The following ADARB2 variants were observed in gnomAD, a reference collection of about 807,000 sequenced individuals.
ADARB2 encodes the protein adenosine deaminase RNA specific B2 (inactive).
In ADARB2, 25 loss-of-function variants were observed where a neutral mutation model predicts 62.2. That is an observed-to-expected ratio of 0.40 (90% CI 0.29 to 0.56). The LOEUF (loss-of-function observed/expected upper bound fraction) is 0.56. ADARB2 is among the 20% of genes least tolerant of loss of function. The pLI is 0.43. For synonymous variants in ADARB2, 572 were observed against 500.8 expected, an observed-to-expected ratio of 1.14 and a Z score of -1.90; for missense variants, 1,071 against 1,077.4, an observed-to-expected ratio of 0.99 and a Z score of 0.08.
intron 8 of ADARB2, among the ~76,000 whole-genome samples, chr10:1,193,594 T>C (rs1589147689): frequency 6.6e-6 from 1 of 152,182 alleles, no homozygotes; most frequent in Non-Finnish European, 1.5e-5. Flanking sequence ...TTTGAGATTG[T>C]TTTTCTTAAG....
chr10:1,533,734 C>T lies in ADARB2; in HGVS notation c.101-154574G>A, dbSNP rs1352369811. 6.6e-5 allele frequency among the ~76,000 whole-genome samples: 10 copies of T among 152,260 alleles called. 1 individual carries two copies. The highest frequency in any genetic ancestry group is 2.0e-4 in the Admixed American group (3 of 15,286). Reference sequence around the variant, plus strand: ...GGTTTGAAAGGAATTTAGGAAAGATCTTACGCATATTCCATTTCCTCCTCG... The same window carrying T: ...GGTTTGAAAGGAATTTAGGAAAGATTTTACGCATATTCCATTTCCTCCTCG... On this transcript the variant is annotated intron_variant, in intron 1 of 9. Coordinates refer to ENST00000381312, the MANE Select transcript of ADARB2 (RefSeq NM_018702.4).
intron 8 of ADARB2, among the ~76,000 whole-genome samples, chr10:1,190,113 G>C (rs35270591): frequency 6.6e-6 from 1 of 152,020 alleles, no homozygotes; most frequent in Non-Finnish European, 1.5e-5. Context: ...GGAGAAATGC[G>C]TCCTCCTGAG....
At chr10:1,699,171 C>T (rs1292171453) in intron 1 of ADARB2, among the ~76,000 whole-genome samples, 4 of 152,266 alleles carry the variant, frequency 2.6e-5, no homozygotes, top group Non-Finnish European at 1.5e-5. Context: ...TGCAATCCCA[C>T]TCCACCTGGA....
At chr10:1,375,864 GAC>G (rs201916545) in intron 2 of ADARB2, among the ~76,000 whole-genome samples, 3,216 of 142,008 alleles carry the variant, frequency 0.023, 107 homozygotes, top group African/African-American at 0.08. Context: ...ACATGCACAT[GAC>G]ACACATGCAT....
chr10:1,289,314 T>G (rs919643197), intron 3 of ADARB2, among the ~76,000 whole-genome samples: 1 of 152,226 alleles, frequency 6.6e-6, no homozygotes, highest in Non-Finnish European at 1.5e-5. Context: ...CTCTAAAATG[T>G]ATAAAACCAA....
intron 8 of ADARB2, chr10:1,188,049 G>C (rs968389260): frequency 6.3e-6 from 1 of 159,576 alleles, no homozygotes; most frequent in African/African-American, 2.4e-5. Flanking sequence ...CCATGACCCC[G>C]GAGGTGGAAA....
intron 1 of ADARB2, among the ~76,000 whole-genome samples, chr10:1,435,599 C>T (rs75956347): frequency 0.07 from 10,423 of 148,952 alleles, 517 homozygotes; most frequent in East Asian, 0.21. Flanking sequence ...AAACTGTGGC[C>T]GCCCTGCCAG....
At chr10:1,332,895 C>T (rs898545801) in intron 3 of ADARB2, among the ~76,000 whole-genome samples, 1 of 152,244 alleles carries the variant, frequency 6.6e-6, no homozygotes, top group African/African-American at 2.4e-5. Context: ...CGTTTTCCCT[C>T]TCTCTAGATT....
At chr10:1,481,640 C>CCT (rs71379131) in intron 1 of ADARB2, among the ~76,000 whole-genome samples, 112,140 of 151,974 alleles carry the variant, frequency 0.74, 41,936 homozygotes, top group Middle Eastern at 0.83. Flanking sequence ...GTGCGGATCA[C>CCT]GAGGTCAGGA....
chr10:1,562,723 G>A (rs928622831), intron 1 of ADARB2, among the ~76,000 whole-genome samples: 1 of 152,240 alleles, frequency 6.6e-6, no homozygotes, highest in African/African-American at 2.4e-5. Flanking sequence ...CCAGTTACCA[G>A]CCTGCCATGA....
Position 1,363,333 on chromosome 10 carries a change from A to G in ADARB2, c.772T>C (p.Cys258Arg). 8.0e-7 allele frequency: 1 copy of G among 1,245,824 alleles called. No individual in the cohort carries two copies. Among genetic ancestry groups the G allele is most frequent in the Non-Finnish European group, 1.0e-6 (1 of 995,456 alleles). 77.2% of individuals were successfully genotyped at this position (1,245,824 alleles called of 1,614,324 possible). The change falls in exon 3 of 10, where the codon TGC becomes CGC. Residue 258 changes from cysteine to arginine, a missense_variant. By Grantham distance (180) the Cys-to-Arg change is radical. Transcript: ENST00000381312. ...SAAYGRRRLL[C>R]RALDLVGPTP... is the part of the protein sequence containing the mutation. ...GGGCCCACCAGGTCCAGCGCGCGGC[A>G]CAGCAGCCGCCGTCGCCCGTAGGCC...
chr10:1,578,613 G>A (rs1331832136), intron 1 of ADARB2, among the ~76,000 whole-genome samples: 1 of 151,952 alleles, frequency 6.6e-6, no homozygotes, highest in African/African-American at 2.4e-5. Flanking sequence ...CAAATCCTTG[G>A]CTGAACCACT....
intron 1 of ADARB2, among the ~76,000 whole-genome samples, chr10:1,726,884 C>A (rs1429952180): frequency 2.0e-5 from 3 of 152,056 alleles, no homozygotes; most frequent in Non-Finnish European, 4.4e-5. Flanking sequence ...AGGGAGAGGG[C>A]CCGGGGAAGG....
intron 1 of ADARB2, among the ~76,000 whole-genome samples, chr10:1,667,714 G>A (rs1013582304): frequency 6.6e-6 from 1 of 152,176 alleles, no homozygotes; most frequent in African/African-American, 2.4e-5. Flanking sequence ...AGCAAGAAAT[G>A]CTGCTCAATT....
At chr10:1,377,231 GTT>G (rs561543475) in intron 2 of ADARB2, among the ~76,000 whole-genome samples, 1 of 137,104 alleles carries the variant, frequency 7.3e-6, no homozygotes, top group African/African-American at 2.8e-5. Flanking sequence ...CCTGGGGTGT[GTT>G]TGTGTGCGCC....
At chr10:1,284,218 A>G (rs1349684370) in intron 3 of ADARB2, among the ~76,000 whole-genome samples, 2 of 152,174 alleles carry the variant, frequency 1.3e-5, no homozygotes, top group African/African-American at 2.4e-5. Context: ...ACCCAGGCAC[A>G]TGGATGTCCT....
chr10:1,619,319 G>T (rs1046446538), intron 1 of ADARB2, among the ~76,000 whole-genome samples: 1 of 146,974 alleles, frequency 6.8e-6, no homozygotes, highest in Non-Finnish European at 1.5e-5. Context: ...GAAAAAATAC[G>T]CACCATACAA....
intron 3 of ADARB2, among the ~76,000 whole-genome samples, chr10:1,358,581 ACTT>A (rs1245031185): frequency 6.6e-6 from 1 of 152,048 alleles, no homozygotes; most frequent in Non-Finnish European, 1.5e-5. Flanking sequence ...AATATAAAGA[ACTT>A]CTCACTGGCA....
chr10:1,342,524 T>TC (rs1832040092), intron 3 of ADARB2, among the ~76,000 whole-genome samples: 1 of 152,162 alleles, frequency 6.6e-6, no homozygotes, highest in Admixed American at 6.5e-5. Flanking sequence ...TCTTTCCCTC[T>TC]CTCCTCCTCT....
Sources: gnomAD v4.1 joint callset for allele counts (sites outside exome capture counted in the v4.1 genomes callset) on GRCh38, gnomAD v4.1.1 for gene constraint, MANE v1.5 for transcripts, NCBI Gene and HGNC (gene_info 2026-07-23, HGNC 2026-07-21) for gene names.